The following CRIM1 variants were observed in gnomAD, a reference collection of about 807,000 sequenced individuals.
CRIM1 encodes the protein cysteine rich transmembrane BMP regulator 1.
A neutral mutation model predicts 116.4 loss-of-function variants in CRIM1; 32 were observed. The ratio of observed to expected loss-of-function variants is 0.27; its 90% CI spans 0.21 to 0.37. The LOEUF is 0.37. CRIM1 is among the 10% of genes least tolerant of loss of function. CRIM1 has a pLI of 1.00. For missense variants in CRIM1, 1,331 were observed against 1,354.8 expected (o/e 0.98, Z 0.28); for synonymous variants, 590 against 509.2 (o/e 1.16, Z -2.13).
rs1449267843 is a variant in CRIM1 at position 36,551,110 on chromosome 2, G to GAAAT, written c.*2413_*2416dup. ...TTATCTGCAACTTGATTCTTGGCAGGAAATAAACATTTTGAGTTGAAATCA... is the reference window on the plus strand; with the variant it reads ...TTATCTGCAACTTGATTCTTGGCAGGAAATAAATAAACATTTTGAGTTGAAATCA... On this transcript the variant is annotated 3_prime_UTR_variant, in exon 17 of 17. Transcript: ENST00000280527. 6.6e-6 allele frequency: 1 copy of GAAAT among 152,530 alleles called. No individual in the cohort carries two copies. Among genetic ancestry groups the GAAAT allele is most frequent in the African/African-American group, 2.4e-5 (1 of 41,420 alleles). 9.4% of individuals were successfully genotyped at this position (152,530 alleles called of 1,614,324 possible). A position where few individuals can be genotyped will look rare whatever the true frequency, so the allele number is the denominator to read the frequency against.
In CRIM1 at chr2:36,378,687, G is replaced by A. The variant is rs533643847; in HGVS notation, c.332-17927G>A. The A allele has an allele frequency of 2.4e-4, 42 of 177,058 alleles. No homozygotes were observed. In the South Asian group the frequency reaches 3.8e-3, roughly 16 times the overall value. 11.0% of individuals were successfully genotyped at this position (177,058 alleles called of 1,614,324 possible). A position where few individuals can be genotyped will look rare whatever the true frequency, so the allele number is the denominator to read the frequency against. On this transcript the variant is annotated intron_variant, in intron 1 of 16. Coordinates refer to ENST00000280527, the MANE Select transcript of CRIM1 (RefSeq NM_016441.3). Reference sequence around the variant, plus strand: ...TGATCCAGAGGTTGGATTGTTCCTCGTGTGGCAACAGTCCTCTGACCTCAG... The same window carrying A: ...TGATCCAGAGGTTGGATTGTTCCTCATGTGGCAACAGTCCTCTGACCTCAG...
intron 14 of CRIM1, among the ~76,000 whole-genome samples, chr2:36,538,023 A>G (rs973159082): frequency 6.6e-6 from 1 of 152,144 alleles, no homozygotes; most frequent in Non-Finnish European, 1.5e-5. Flanking sequence ...GCCAGTACCC[A>G]TACCATCCAC....
chr2:36,356,264 C>CGAG lies in CRIM1; in HGVS notation c.-21_-19dup. 7.6e-7 allele frequency: 1 copy of CGAG among 1,313,278 alleles called. No homozygotes were observed. Among genetic ancestry groups the CGAG allele is most frequent in the Non-Finnish European group, 1.0e-6 (1 of 1,000,200 alleles). 81.4% of individuals were successfully genotyped at this position (1,313,278 alleles called of 1,614,324 possible). A position where few individuals can be genotyped will look rare whatever the true frequency, so the allele number is the denominator to read the frequency against. Reference sequence around the variant, plus strand: ...GCCCGCCCCGCTCCCGGCCCGGCTGCGAGGAGGAGGCGGCGGCGGCGCAGG... The same window carrying CGAG: ...GCCCGCCCCGCTCCCGGCCCGGCTGCGAGGAGGAGGAGGCGGCGGCGGCGCAGG... On this transcript the variant is annotated 5_prime_UTR_variant, in exon 1 of 17. Coordinates refer to ENST00000280527, the MANE Select transcript of CRIM1 (RefSeq NM_016441.3). This position sits in a 1 kb window ranked among gnomAD's most constrained non-coding sequence, Gnocchi z 4.3.
chr2:36,550,034 AGTATGTATGTGTGT>A lies in CRIM1; in HGVS notation c.*1336_*1349del, dbSNP rs1247552441. ...TTAATTGGAAAGATGTGTGTGTGAGAGTATGTATGTGTGTGTGTGTGTGTGTGTGTGTGCGCGCG... is the reference window on the plus strand; with the variant it reads ...TTAATTGGAAAGATGTGTGTGTGAGAGTGTGTGTGTGTGTGTGTGCGCGCG... On this transcript the variant is annotated 3_prime_UTR_variant, in exon 17 of 17. Coordinates refer to ENST00000280527, the MANE Select transcript of CRIM1 (RefSeq NM_016441.3). The A allele has an allele frequency of 6.8e-6, 1 of 147,824 alleles. No homozygotes were observed. Among genetic ancestry groups the A allele is most frequent in the Non-Finnish European group, 1.5e-5 (1 of 67,378 alleles). The allele number at this position is 147,824 out of a possible 1,614,324, so 9.2% of individuals were successfully genotyped here.
At chr2:36,404,455 C>G (rs6726672) in intron 2 of CRIM1, among the ~76,000 whole-genome samples, 15,243 of 152,112 alleles carry the variant, frequency 0.1, 1,671 homozygotes, top group African/African-American at 0.28. Flanking sequence ...CCAGAAGGTA[C>G]TCAGCATTCT....
At position 36,416,455 on chromosome 2, in the gene CRIM1, G is replaced by A. The variant is rs918051; in HGVS notation, c.505+19668G>A. Among the ~76,000 whole-genome samples, 197 of 152,048 alleles carry A rather than the reference G, an allele frequency of 1.3e-3. 1 individual carries two copies. The highest frequency in any genetic ancestry group is 4.7e-3 in the African/African-American group (193 of 41,476). ...TTGATTGAAAACAATCAATAAAGGT[G>A]CTGTGAACAGATTATCAGAAAGTAT... On this transcript the variant is annotated intron_variant, in intron 2 of 16. Coordinates refer to ENST00000280527, the MANE Select transcript of CRIM1 (RefSeq NM_016441.3).
intron 2 of CRIM1, among the ~76,000 whole-genome samples, chr2:36,432,425 A>G (rs1674968718): frequency 6.6e-6 from 1 of 152,122 alleles, no homozygotes; most frequent in Non-Finnish European, 1.5e-5. Flanking sequence ...GGTTGGATAT[A>G]TTTTTCTGGT....
intron 7 of CRIM1, among the ~76,000 whole-genome samples, chr2:36,483,257 A>T (rs1193169155): frequency 6.6e-6 from 1 of 152,188 alleles, no homozygotes; most frequent in South Asian, 2.1e-4. Context: ...TTTCAGTTGA[A>T]TGGCATACAT....
rs779143899 is a variant in CRIM1, at chr2:36,476,932, T to A, written c.1035T>A (p.Asp345Glu). ...ACVFNNVEYY[D>E]GDMFRMDNCR... ...TATTTAACAATGTGGAATATTATGA[T>A]GGAGACATGTTTCGAATGGACAACT... is the stretch of plus-strand genomic sequence containing the variant. The change falls in exon 6 of 17, where the codon GAT becomes GAA. Residue 345 changes from aspartate to glutamate, a missense_variant. This residue lies in a region of CRIM1 where 690 missense variants were observed against 676.0 expected (regional missense o/e 1.02). Transcript: ENST00000280527. 2 of 1,613,978 alleles carry A rather than the reference T, an allele frequency of 1.2e-6. No homozygotes were observed. Among genetic ancestry groups the A allele is most frequent in the Non-Finnish European group, 1.7e-6 (2 of 1,179,978 alleles).
chr2:36,522,162 T>C lies in CRIM1; in HGVS notation c.2277T>C (p.Asp759=). ...ATTACTGCAAAAATGATGAAGGGGA[T>C]ATATTCCTGGCAGCTGAGTCCTGGA... The part of the protein sequence containing the change: ...VPNYCKNDEG[D]IFLAAESWKP... The change falls in exon 13 of 17, where the codon GAT becomes GAC. Residue 759 remains aspartate (D), a synonymous_variant. Coordinates refer to ENST00000280527, the MANE Select transcript of CRIM1 (RefSeq NM_016441.3). The C allele has an allele frequency of 4.3e-6, 7 of 1,614,180 alleles. No individual in the cohort carries two copies. Among genetic ancestry groups the C allele is most frequent in the Non-Finnish European group, 5.9e-6 (7 of 1,180,024 alleles).
At chr2:36,521,792 A>G (rs1665413703) in intron 12 of CRIM1, among the ~76,000 whole-genome samples, 1 of 152,264 alleles carries the variant, frequency 6.6e-6, no homozygotes, top group Non-Finnish European at 1.5e-5. Flanking sequence ...ATTTACTTAC[A>G]TGCATTGTAA....
chr2:36,415,371 C>A (rs140921159), intron 2 of CRIM1, among the ~76,000 whole-genome samples: 26 of 152,266 alleles, frequency 1.7e-4, no homozygotes, highest in African/African-American at 6.3e-4. Context: ...TGGAACACAT[C>A]AGTAAAATTG....
At chr2:36,374,839 C>T (rs1016624732) in intron 1 of CRIM1, among the ~76,000 whole-genome samples, 5 of 144,408 alleles carry the variant, frequency 3.5e-5, no homozygotes, top group Non-Finnish European at 1.5e-5. Flanking sequence ...AGGCTCATGG[C>T]ATGAGGGCTG....
At chr2:36,406,919 A>T (rs1279924676) in intron 2 of CRIM1, among the ~76,000 whole-genome samples, 1 of 152,186 alleles carries the variant, frequency 6.6e-6, no homozygotes, top group East Asian at 1.9e-4. Flanking sequence ...AACACTGCTT[A>T]TCAAGTTTAG....
At chr2:36,455,887 T>A (rs900185210) in intron 4 of CRIM1, among the ~76,000 whole-genome samples, 1 of 152,148 alleles carries the variant, frequency 6.6e-6, no homozygotes, top group African/African-American at 2.4e-5. Flanking sequence ...AGCAGTGCTC[T>A]CTGGGGATGT....
intron 1 of CRIM1, among the ~76,000 whole-genome samples, chr2:36,387,808 TTAA>T (rs1339621700): frequency 1.3e-5 from 2 of 152,370 alleles, no homozygotes; most frequent in South Asian, 2.1e-4. Flanking sequence ...ATAAGATGTC[TTAA>T]TAATCTTTCT....
At chr2:36,518,427 T>TA (rs1665168157) in intron 12 of CRIM1, among the ~76,000 whole-genome samples, 2 of 152,240 alleles carry the variant, frequency 1.3e-5, no homozygotes, top group Admixed American at 1.3e-4. Flanking sequence ...TTCTTTTTTT[T>TA]AACATTGGAT....
chr2:36,537,306 G>A lies in CRIM1; in HGVS notation c.2429-46G>A, dbSNP rs760474139. ...TCTCTCACGTCTAATAAGATCGTGT[G>A]CGTTGTCACATCAGCGACTCCATCA... On this transcript the variant is annotated intron_variant, in intron 13 of 16. Coordinates refer to ENST00000280527, the MANE Select transcript of CRIM1 (RefSeq NM_016441.3). 4 of 1,541,946 alleles carry A rather than the reference G, an allele frequency of 2.6e-6. No individual in the cohort carries two copies. In the South Asian group the frequency reaches 4.5e-5, roughly 17 times the overall value.
intron 13 of CRIM1, among the ~76,000 whole-genome samples, chr2:36,535,144 AAGG>A (rs1396442095): frequency 8.1e-6 from 1 of 123,694 alleles, no homozygotes; most frequent in Non-Finnish European, 1.7e-5. Context: ...AAGGGGAAGG[AAGG>A]AGAGAGGGGG....
Sources: allele counts gnomAD v4.1 joint callset (sites outside exome capture counted in the v4.1 genomes callset), GRCh38; gene constraint gnomAD v4.1.1; regional missense constraint gnomAD v4.1.1; non-coding constraint Gnocchi (gnomAD v3.1); transcripts MANE v1.5; gene names NCBI Gene and HGNC (gene_info 2026-07-23, HGNC 2026-07-21).